RPGRIP1L: variants seen among roughly 807,000 people sequenced by gnomAD.
RPGRIP1L encodes protein fantom.
RPGRIP1L carries 131 observed loss-of-function variants against 160.4 expected under a neutral mutation model. That is an observed-to-expected ratio of 0.82 (90% confidence interval 0.71 to 0.94). RPGRIP1L has a LOEUF of 0.94. RPGRIP1L is among the 40% of genes least tolerant of loss of function. The probability of loss-of-function intolerance (pLI) is 0.00; values close to 1 mark genes in which losing one functional copy is unlikely to be tolerated. For synonymous variants in RPGRIP1L, 510 were observed against 515.8 expected, an observed-to-expected ratio of 0.99 and a Z score of 0.15; for missense variants, 1,522 against 1,535.8, an observed-to-expected ratio of 0.99 and a Z score of 0.15.
In RPGRIP1L at chr16:53,656,468, G is replaced by A; in HGVS notation, c.1699+4C>T. 1.3e-6 allele frequency: 2 copies of A among 1,578,226 alleles called. No individual in the cohort carries two copies. The highest frequency in any genetic ancestry group is 1.7e-6 in the Non-Finnish European group (2 of 1,147,146). ...TGTGGACCAAAAAATCGTATATGTT[G>A]TACCTTCTAGTTTATGGATACGTGC... On this transcript the variant is annotated splice_donor_region_variant and intron_variant, in intron 14 of 26. Transcript: ENST00000647211.
At chr16:53,658,545 A>G (rs1967468352) in intron 11 of RPGRIP1L, 81 bp from the exon 12 acceptor site, 1 of 1,161,206 alleles carries the variant, frequency 8.6e-7, no homozygotes, top group African/African-American at 1.5e-5. Flanking sequence ...AATTATCCCC[A>G]TGAAACATAA....
chr16:53,619,349 TATGTTAC>T, intron 23 of RPGRIP1L, 141 bp from the exon 24 acceptor site: 1 of 707,430 alleles, frequency 1.4e-6, no homozygotes, highest in Non-Finnish European at 2.4e-6. Flanking sequence ...TACACTACTG[TATGTTAC>T]ACATGATAGA....
At chr16:53,687,122 C>A (rs1970076266) in intron 5 of RPGRIP1L, among the ~76,000 whole-genome samples, 1 of 152,106 alleles carries the variant, frequency 6.6e-6, no homozygotes, top group Non-Finnish European at 1.5e-5. Context: ...TATTTTCCTG[C>A]AGGCTAATCA....
chr16:53,611,733 G>T (rs1964051387), intron 24 of RPGRIP1L, among the ~76,000 whole-genome samples: 2 of 152,224 alleles, frequency 1.3e-5, no homozygotes, highest in Non-Finnish European at 2.9e-5. Flanking sequence ...ACTTGACATT[G>T]TAAGTAAGCA....
In RPGRIP1L at chr16:53,602,177, G is replaced by C. The variant is rs754697392; in HGVS notation, c.3847C>G (p.Arg1283Gly). The C allele has an allele frequency of 6.2e-7, 1 of 1,611,696 alleles. No individual in the cohort carries two copies. The highest frequency in any genetic ancestry group is 8.5e-7 in the Non-Finnish European group (1 of 1,178,068). Reference sequence around the variant, plus strand: ...TTGCCAATACCTTCACCATCTGCTCGTGCATCAAAAACTAGGGAGAAAAGA... The same window carrying C: ...TTGCCAATACCTTCACCATCTGCTCCTGCATCAAAAACTAGGGAGAAAAGA... ...IEQNIDVFDA[R>G]ADGEGIGKLR... Residue 1283 changes from arginine to glycine, a missense_variant, in exon 27 of 27, where the codon CGA (arginine) becomes GGA (glycine). By Grantham distance (125) the Arg-to-Gly change is moderately radical. Coordinates refer to ENST00000647211, the MANE Select transcript of RPGRIP1L (RefSeq NM_015272.5).
chr16:53,638,438 T>C (rs1446802703), intron 19 of RPGRIP1L, 27 bp from the exon 20 acceptor site: 1 of 1,196,018 alleles, frequency 8.4e-7, no homozygotes, highest in Non-Finnish European at 1.3e-6. Context: ...AACACGCATG[T>C]ATGTCATTTT....
chr16:53,628,702 C>T (rs777044875), intron 22 of RPGRIP1L: 2 of 152,148 alleles, frequency 1.3e-5, no homozygotes, highest in South Asian at 2.1e-4. Context: ...ACCCAGTTTT[C>T]GTCCGTGGCA....
chr16:53,645,764 C>T lies in RPGRIP1L; in HGVS notation c.2544G>A (p.Met848Ile), dbSNP rs1318910206. ...TAAGGTATCGATCCAAGTCCATATT[C>T]ATTGGCACTGGGAAATACATATGAT... ...FDDHMYFPVPMNMDLDRYLKS... is the reference protein window; with the variant it reads ...FDDHMYFPVPINMDLDRYLKS... The change falls in exon 17 of 27, where the codon ATG becomes ATA. Residue 848 changes from methionine to isoleucine, a missense_variant. By Grantham distance (10) the Met-to-Ile change is conservative (BLOSUM62 1). Transcript: ENST00000647211. 4 of 1,614,122 alleles carry T rather than the reference C, an allele frequency of 2.5e-6. No individual in the cohort carries two copies. The highest frequency in any genetic ancestry group is 3.4e-6 in the Non-Finnish European group (4 of 1,180,012).
At chr16:53,647,792 T>G (rs1435836667) in intron 16 of RPGRIP1L, among the ~76,000 whole-genome samples, 3 of 152,198 alleles carry the variant, frequency 2.0e-5, no homozygotes, top group Non-Finnish European at 4.4e-5. Flanking sequence ...GAGTGCATAC[T>G]TTACATTGCC....
chr16:53,609,116 T>A (rs986898110), intron 25 of RPGRIP1L, among the ~76,000 whole-genome samples: 1 of 152,116 alleles, frequency 6.6e-6, no homozygotes, highest in Admixed American at 6.6e-5. Context: ...TGAGACAGGG[T>A]CTTGCTCTCT....
At chr16:53,690,988 C>T (rs62048363) in intron 4 of RPGRIP1L, among the ~76,000 whole-genome samples, 8,651 of 152,220 alleles carry the variant, frequency 0.057, 426 homozygotes, top group African/African-American at 0.13. Flanking sequence ...TGCCTCCTGC[C>T]TGTGTGGAGG....
intron 22 of RPGRIP1L, among the ~76,000 whole-genome samples, chr16:53,625,853 T>C (rs913175050): frequency 6.6e-6 from 1 of 152,074 alleles, no homozygotes; most frequent in African/African-American, 2.4e-5. Context: ...CCCAACCCCG[T>C]GCTCTCTGAA....
intron 2 of RPGRIP1L, 25 bp from the exon 3 acceptor site, chr16:53,696,320 T>G (rs748374826): frequency 6.2e-7 from 1 of 1,612,460 alleles, no homozygotes; most frequent in Admixed American, 1.7e-5. Flanking sequence ...AGATAATTAA[T>G]TGTGAGGTTA....
chr16:53,672,883 C>G lies in RPGRIP1L; in HGVS notation c.1016G>C (p.Arg339Thr). The G allele has an allele frequency of 6.2e-7, 1 of 1,612,684 alleles. No homozygotes were observed. The highest frequency in any genetic ancestry group is 8.5e-7 in the Non-Finnish European group (1 of 1,179,362). Residue 339 changes from arginine to threonine, a missense_variant, in exon 8 of 27, where the codon AGA becomes ACA. By Grantham distance (71) the Arg-to-Thr change is moderately conservative. Transcript: ENST00000647211. ...TTGGGAGCTTACCTCTTCTATTCTT[C>G]TTTCAGAAAACTTCATAGAATGTAA... Reference protein sequence around the residue: ...KQLHSMKFSERRIEELQDRIN... With the variant: ...KQLHSMKFSETRIEELQDRIN...
At position 53,601,625 on chromosome 16, in the gene RPGRIP1L, T is replaced by G. The variant is rs1033618473; in HGVS notation, c.*451A>C. 1 of 176,680 alleles carries G rather than the reference T, an allele frequency of 5.7e-6. No homozygotes were observed. The highest frequency in any genetic ancestry group is 1.3e-4 in the South Asian group (1 of 7,856). 10.9% of individuals were successfully genotyped at this position (176,680 alleles called of 1,614,324 possible). The stretch of plus-strand genomic sequence containing the variant: ...TGCTTCTAATAAAATCTTCACAGTA[T>G]AAAACTCTTAATGAAGCTAATCATA... On this transcript the variant is annotated 3_prime_UTR_variant, in exon 27 of 27. Transcript: ENST00000647211.
chr16:53,665,070 A>G (rs893412935), intron 9 of RPGRIP1L, 61 bp from the exon 10 acceptor site: 13 of 1,602,044 alleles, frequency 8.1e-6, no homozygotes, highest in South Asian at 1.1e-5. Flanking sequence ...GAAAATAATA[A>G]AGAGAAAAGC....
At chr16:53,681,775 T>C (rs1969628564) in intron 6 of RPGRIP1L, among the ~76,000 whole-genome samples, 1 of 152,218 alleles carries the variant, frequency 6.6e-6, no homozygotes, top group African/African-American at 2.4e-5. Flanking sequence ...GTTTCTGTAA[T>C]ATTCTATGAA....
intron 14 of RPGRIP1L, among the ~76,000 whole-genome samples, chr16:53,653,777 T>C (rs1967006201): frequency 6.6e-6 from 1 of 152,220 alleles, no homozygotes; most frequent in Non-Finnish European, 1.5e-5. Flanking sequence ...CTACATATTC[T>C]CATGAGTGAT....
chr16:53,687,055 G>A (rs756862497), intron 5 of RPGRIP1L, among the ~76,000 whole-genome samples: 3 of 152,000 alleles, frequency 2.0e-5, no homozygotes, highest in African/African-American at 4.8e-5. Context: ...CTCAGGAACC[G>A]GTATAAACGT....
Sources: allele counts gnomAD v4.1 joint callset (sites outside exome capture counted in the v4.1 genomes callset), GRCh38; gene constraint gnomAD v4.1.1; transcripts MANE v1.5; gene names NCBI Gene and HGNC (gene_info 2026-07-23, HGNC 2026-07-21).